Variants in KIF17 observed in about 807,000 individuals in gnomAD.
KIF17 encodes kinesin-like protein KIF17.
In KIF17, 80 loss-of-function variants were observed where a neutral mutation model predicts 96.8. The observed-to-expected ratio is 0.83, with a 90% CI of 0.69 to 1.00. The LOEUF is 1.00. Ranked by LOEUF, KIF17 falls within the 50% of genes least tolerant of loss-of-function variation. The pLI, the probability that KIF17 is intolerant of heterozygous loss-of-function variation, is 0.00. For synonymous variants in KIF17, 567 were observed against 587.5 expected (o/e 0.97, Z 0.51); for missense variants, 1,280 against 1,372.9 (o/e 0.93, Z 1.07).
rs1553152897 is a variant in KIF17 at position 20,712,560 on chromosome 1, T to TATATC, written c.480+893_480+894insGATAT. 1.3e-3 allele frequency among the ~76,000 whole-genome samples: 83 copies of TATATC among 63,926 alleles called. 1 individual carries two copies. Among genetic ancestry groups the TATATC allele is most frequent in the Non-Finnish European group, 2.6e-3 (60 of 23,428 alleles). 41.9% of individuals were successfully genotyped at this position (63,926 alleles called of 152,430 possible). A position where few individuals can be genotyped will look rare whatever the true frequency, so the allele number is the denominator to read the frequency against. ...ATCTATATTATAGATATTATCTATA[T>TATATC]TATATATATAGATAATATTATCTAT... On this transcript the variant is annotated intron_variant, in intron 3 of 14. Transcript: ENST00000400463.
At chr1:20,675,632 T>C (rs2053725865) in intron 11 of KIF17, among the ~76,000 whole-genome samples, 1 of 152,146 alleles carries the variant, frequency 6.6e-6, no homozygotes, top group Non-Finnish European at 1.5e-5. Flanking sequence ...CTTTTCAAGA[T>C]TGTTTTGGCT....
chr1:20,712,691 A>AAAT lies in KIF17; in HGVS notation c.480+762_480+763insATT, dbSNP rs1348698039. Among the ~76,000 whole-genome samples, 16 of 113,584 alleles carry AAAT rather than the reference A, an allele frequency of 1.4e-4. 1 individual carries two copies. The highest frequency in any genetic ancestry group is 4.9e-4 in the African/African-American group (14 of 28,698). The allele number at this position is 113,584 out of a possible 152,430, so 74.5% of individuals were successfully genotyped here. A position where few individuals can be genotyped will look rare whatever the true frequency, so the allele number is the denominator to read the frequency against. On this transcript the variant is annotated intron_variant, in intron 3 of 14. Transcript: ENST00000400463. ...ATATAGATAATATTATCTATATATA[A>AAAT]TATAGATAATATTATCTATATATAA...
In KIF17 at chr1:20,687,840, C is replaced by A; in HGVS notation, c.1486G>T (p.Val496Leu). ...GTCGTGGAGAAGACCTTGGGTTTCA[C>A]CACTGTCTCATACTGAAAAGCAGGC... ...YPPAFQYETV[V>L]KPKVFSTTDT... is the part of the protein sequence containing the mutation. The change falls in exon 8 of 15, where the codon GTG (valine) becomes TTG (leucine). Residue 496 changes from valine (V) to leucine (L), a missense_variant. Physicochemically the swap from Val to Leu is conservative, Grantham distance 32. Transcript: ENST00000400463. The surrounding 1 kb of genome is among the most constrained non-coding windows in gnomAD (Gnocchi z 4.4). The A allele has an allele frequency of 1.2e-6, 2 of 1,614,174 alleles. No individual in the cohort carries two copies. The highest frequency in any genetic ancestry group is 1.7e-6 in the Non-Finnish European group (2 of 1,180,040).
chr1:20,707,506 G>A (rs1012843870), intron 4 of KIF17, among the ~76,000 whole-genome samples: 3 of 152,160 alleles, frequency 2.0e-5, no homozygotes, highest in Non-Finnish European at 1.5e-5. Flanking sequence ...TGGGCGCAGT[G>A]GCTCATGTCT....
chr1:20,690,352 G>GCGCCCC lies in KIF17; in HGVS notation c.1234-18_1234-17insGGGGCG. On this transcript the variant is annotated splice_polypyrimidine_tract_variant and intron_variant, in intron 6 of 14. Coordinates refer to ENST00000400463, the MANE Select transcript of KIF17 (RefSeq NM_001122819.3). ...TTCATACTCCTGGGGGGGTGGGAGG[G>GCGCCCC]ACCAGAGGGCAGGCAGCATTTTATC... 2.2e-6 allele frequency: 1 copy of GCGCCCC among 451,166 alleles called. No individual in the cohort carries two copies. The highest frequency in any genetic ancestry group is 4.3e-6 in the Non-Finnish European group (1 of 235,144). 27.9% of individuals were successfully genotyped at this position (451,166 alleles called of 1,614,324 possible). A position where few individuals can be genotyped will look rare whatever the true frequency, so the allele number is the denominator to read the frequency against.
At position 20,699,228 on chromosome 1, in the gene KIF17, G is replaced by A. The variant is rs1776339; in HGVS notation, c.1124-740C>T. 6.6e-6 allele frequency among the ~76,000 whole-genome samples: 1 copy of A among 152,180 alleles called. No individual in the cohort carries two copies. Among genetic ancestry groups the A allele is most frequent in the South Asian group, 2.1e-4 (1 of 4,818 alleles). On this transcript the variant is annotated intron_variant, in intron 5 of 14. Coordinates refer to ENST00000400463, the MANE Select transcript of KIF17 (RefSeq NM_001122819.3). This position sits in a 1 kb window ranked among gnomAD's most constrained non-coding sequence, Gnocchi z 4.3. ...CCTGCGAAAGTGCTGGGATTACAGG[G>A]GTGAGCTGCCTTGCCCGGCCCAAGT...
intron 6 of KIF17, among the ~76,000 whole-genome samples, chr1:20,690,727 C>T (rs2054024576): frequency 6.6e-6 from 1 of 151,750 alleles, no homozygotes; most frequent in Admixed American, 6.6e-5. Context: ...CGCTCTGTCG[C>T]CCAGGCTGGA....
Position 20,682,668 on chromosome 1 carries a change from C to G in KIF17, c.2448G>C (p.Glu816Asp), listed in dbSNP as rs2053850275. Residue 816 changes from glutamate to aspartate, a missense_variant, in exon 11 of 15, where the codon GAG (glutamate) becomes GAC (aspartate). By Grantham distance (45) the Glu-to-Asp change is conservative. Transcript: ENST00000400463. ...TGGGCCTCACCTTCCTCTGCATCTTCTCCAGCAGCTTGCTCTTGGCCCGCA... is the reference window on the plus strand; with the variant it reads ...TGGGCCTCACCTTCCTCTGCATCTTGTCCAGCAGCTTGCTCTTGGCCCGCA... ...EEVRAKSKLL[E>D]KMQRKLRAAE... 1 of 1,613,966 alleles carries G rather than the reference C, an allele frequency of 6.2e-7. No homozygotes were observed. Among genetic ancestry groups the G allele is most frequent in the African/African-American group, 1.3e-5 (1 of 74,932 alleles).
In KIF17 at chr1:20,682,863, C is replaced by T; in HGVS notation, c.2253G>A (p.Gln751=). ...VLARLQLLEQ[Q]VVGGEQAKNK... The stretch of plus-strand genomic sequence containing the variant: ...TCTTGGCCTGCTCTCCACCCACAAC[C>T]TGCTGCTCCAACAGCTGCAGACTGC... The change falls in exon 11 of 15, where the codon CAG becomes CAA. Residue 751 remains glutamine, a synonymous_variant. Coordinates refer to ENST00000400463, the MANE Select transcript of KIF17 (RefSeq NM_001122819.3). The T allele has an allele frequency of 1.2e-6, 2 of 1,611,350 alleles. No homozygotes were observed. The highest frequency in any genetic ancestry group is 1.6e-4 in the Middle Eastern group (1 of 6,062).
rs539227251 is a variant in KIF17 at position 20,665,768 on chromosome 1, T to C, written c.2908+446A>G. 3.9e-5 allele frequency among the ~76,000 whole-genome samples: 6 copies of C among 152,338 alleles called. No homozygotes were observed. In the East Asian group the frequency reaches 1.2e-3, roughly 29 times the overall value. The stretch of plus-strand genomic sequence containing the variant: ...CTTTGCTTTCAGTTTTAAAAGCAGA[T>C]AAAATGAAGTGATGCTTAATTCTTA... On this transcript the variant is annotated intron_variant, in intron 14 of 14. Coordinates refer to ENST00000400463, the MANE Select transcript of KIF17 (RefSeq NM_001122819.3).
Position 20,699,982 on chromosome 1 carries a change from AG to A in KIF17, c.1124-1495del, listed in dbSNP as rs1226678247. On this transcript the variant is annotated intron_variant, in intron 5 of 14. Coordinates refer to ENST00000400463, the MANE Select transcript of KIF17 (RefSeq NM_001122819.3). The surrounding 1 kb of genome is among the most constrained non-coding windows in gnomAD (Gnocchi z 4.3). ...CGTGGAGAGTGCACTGAGGGGAACC[AG>A]GGTTAGGCACGAGGAGACCCGTTGC... Among the ~76,000 whole-genome samples the A allele has an allele frequency of 3.9e-5, 6 of 152,216 alleles. No individual in the cohort carries two copies. The highest frequency in any genetic ancestry group is 4.4e-5 in the Non-Finnish European group (3 of 68,026).
At chr1:20,715,735 G>A in intron 1 of KIF17, 96 bp from the exon 2 acceptor site, 1 of 1,443,178 alleles carries the variant, frequency 6.9e-7, no homozygotes, top group African/African-American at 1.4e-5. Flanking sequence ...GGCCCTTCCT[G>A]GTCCCCCCAC....
At chr1:20,682,296 T>A (rs2053842935) in intron 11 of KIF17, among the ~76,000 whole-genome samples, 1 of 152,168 alleles carries the variant, frequency 6.6e-6, no homozygotes, top group Non-Finnish European at 1.5e-5. Flanking sequence ...ACAGGGTGTG[T>A]CACACTGCAG....
At chr1:20,711,035 G>A (rs1429037709) in intron 3 of KIF17, among the ~76,000 whole-genome samples, 1 of 149,472 alleles carries the variant, frequency 6.7e-6, no homozygotes, top group African/African-American at 2.4e-5. Flanking sequence ...ACGGAGCCGC[G>A]TGTGGCCTGA....
intron 11 of KIF17, among the ~76,000 whole-genome samples, chr1:20,678,727 A>G (rs1379496022): frequency 2.0e-5 from 3 of 152,176 alleles, no homozygotes; most frequent in African/African-American, 7.2e-5. Flanking sequence ...GGCAGGGTGC[A>G]GTCCCTCCAC....
In KIF17 at chr1:20,706,864, G is replaced by A. The variant is rs188497747; in HGVS notation, c.671-1965C>T. Reference sequence around the variant, plus strand: ...TGATCATGCCACCGCATTCTAGCCTGGGCAGCAAAATAAAATCCTGTCTCA... The same window carrying A: ...TGATCATGCCACCGCATTCTAGCCTAGGCAGCAAAATAAAATCCTGTCTCA... On this transcript the variant is annotated intron_variant, in intron 4 of 14. Transcript: ENST00000400463. 2.9e-4 allele frequency among the ~76,000 whole-genome samples: 44 copies of A among 150,372 alleles called. 1 individual carries two copies. The East Asian group carries it at 7.4e-3, about 25-fold the overall frequency.
chr1:20,688,301 G>A (rs769687941), intron 7 of KIF17, among the ~76,000 whole-genome samples: 3 of 151,976 alleles, frequency 2.0e-5, no homozygotes, highest in Non-Finnish European at 2.9e-5. Context: ...GCCCCCACTC[G>A]GCCTCCCAAA....
At chr1:20,708,686 C>T (rs986822805) in intron 4 of KIF17, among the ~76,000 whole-genome samples, 13 of 152,210 alleles carry the variant, frequency 8.5e-5, no homozygotes, top group African/African-American at 3.1e-4. Flanking sequence ...AATCACTTTA[C>T]CTCTCAGAGC....
Position 20,682,859 on chromosome 1 carries a change from CA to C in KIF17, c.2256del (p.Val753TrpfsTer11). The C allele has an allele frequency of 6.2e-7, 1 of 1,611,550 alleles. No individual in the cohort carries two copies. The highest frequency in any genetic ancestry group is 2.2e-5 in the East Asian group (1 of 44,878). ...LARLQLLEQQ[V>X]VGGEQAKNKD... ...TTGTTCTTGGCCTGCTCTCCACCCA[CA>C]ACCTGCTGCTCCAACAGCTGCAGAC... On this transcript the variant is annotated frameshift_variant, in exon 11 of 15. Transcript: ENST00000400463. LOFTEE classifies it high-confidence loss of function.
Sources: allele counts gnomAD v4.1 joint callset (sites outside exome capture counted in the v4.1 genomes callset), GRCh38; gene constraint gnomAD v4.1.1; non-coding constraint Gnocchi (gnomAD v3.1); transcripts MANE v1.5; gene names NCBI Gene and HGNC (gene_info 2026-07-23, HGNC 2026-07-21).